The following TACR3 variants were observed in gnomAD, a reference collection of about 807,000 sequenced individuals.
TACR3 encodes the protein neuromedin-K receptor.
In TACR3, 34 loss-of-function variants were observed where a neutral mutation model predicts 35.0. The ratio of observed to expected loss-of-function variants is 0.97; its 90% CI spans 0.74 to 1.30. The LOEUF (loss-of-function observed/expected upper bound fraction) is 1.30. TACR3 is among the 50% of genes most tolerant of loss of function. TACR3 has a pLI of 0.00. For synonymous variants in TACR3, 233 were observed against 221.1 expected (o/e 1.05, Z -0.48); for missense variants, 558 against 591.7 (o/e 0.94, Z 0.59).
intron 1 of TACR3, among the ~76,000 whole-genome samples, chr4:103,709,833 C>CA (rs201449414): frequency 0.12 from 18,053 of 149,650 alleles, 1,391 homozygotes; most frequent in East Asian, 0.37. Flanking sequence ...AAATGGAAAA[C>CA]AAAAAAAAAT....
At chr4:103,616,784 CA>C (rs1724670643) in intron 3 of TACR3, among the ~76,000 whole-genome samples, 1 of 151,800 alleles carries the variant, frequency 6.6e-6, no homozygotes, top group African/African-American at 2.4e-5. Flanking sequence ...CTGTCTCTAC[CA>C]AAAAATACAA....
chr4:103,636,376 AGAAT>A (rs1475742057), intron 3 of TACR3, among the ~76,000 whole-genome samples: 1 of 151,880 alleles, frequency 6.6e-6, no homozygotes, highest in Non-Finnish European at 1.5e-5. Flanking sequence ...TTTTTTTCTG[AGAAT>A]TAATTTTTAA....
chr4:103,717,230 T>G (rs867664367), intron 1 of TACR3, among the ~76,000 whole-genome samples: 21 of 152,266 alleles, frequency 1.4e-4, no homozygotes, highest in Middle Eastern at 3.4e-3. Flanking sequence ...ATTTCTGTTT[T>G]TTTTTAATCA....
rs115777691 is a variant in TACR3, at chr4:103,648,587, G to A, written c.888+7607C>T. Among the ~76,000 whole-genome samples, 1,041 of 152,112 alleles carry A rather than the reference G, an allele frequency of 6.8e-3. 12 individuals are homozygous for A. The highest frequency in any genetic ancestry group is 9.4e-3 in the Non-Finnish European group (638 of 67,972). On this transcript the variant is annotated intron_variant, in intron 3 of 4. Transcript: ENST00000304883. ...ATTTCACTTAACATAATGACCTCTA[G>A]TTCCATCCATGTTGTTGCAAGTGAA...
At chr4:103,629,992 A>C (rs981326097) in intron 3 of TACR3, among the ~76,000 whole-genome samples, 4 of 152,168 alleles carry the variant, frequency 2.6e-5, no homozygotes, top group African/African-American at 9.7e-5. Flanking sequence ...CAAAACAGAG[A>C]TATAGACCAA....
chr4:103,598,591 A>T (rs1204743670), intron 3 of TACR3, among the ~76,000 whole-genome samples: 2 of 152,118 alleles, frequency 1.3e-5, no homozygotes, highest in Admixed American at 6.6e-5. Context: ...TTTTAGGTCT[A>T]ACATGTAAGT....
intron 3 of TACR3, among the ~76,000 whole-genome samples, chr4:103,602,477 C>A (rs1184195901): frequency 8.1e-6 from 1 of 123,748 alleles, no homozygotes; most frequent in African/African-American, 3.1e-5. Context: ...TTTAGAGTTT[C>A]CAGTTTTTCT....
At position 103,588,732 on chromosome 4, in the gene TACR3, A is replaced by G. The variant is rs1042183271; in HGVS notation, c.*950T>C. On this transcript the variant is annotated 3_prime_UTR_variant, in exon 5 of 5. Coordinates refer to ENST00000304883, the MANE Select transcript of TACR3 (RefSeq NM_001059.3). ...TTTCAACCATATAGTCTTTTGTCACACTTGTGACTTTTTTTCCCTAAGGAG... is the reference window on the plus strand; with the variant it reads ...TTTCAACCATATAGTCTTTTGTCACGCTTGTGACTTTTTTTCCCTAAGGAG... 1.3e-5 allele frequency: 2 copies of G among 152,046 alleles called. No homozygotes were observed. The highest frequency in any genetic ancestry group is 1.3e-4 in the Admixed American group (2 of 15,238). 9.4% of individuals were successfully genotyped at this position (152,046 alleles called of 1,614,324 possible). A position where few individuals can be genotyped will look rare whatever the true frequency, so the allele number is the denominator to read the frequency against.
intron 3 of TACR3, among the ~76,000 whole-genome samples, chr4:103,620,416 G>C (rs1369813005): frequency 6.6e-6 from 1 of 152,146 alleles, no homozygotes; most frequent in African/African-American, 2.4e-5. Context: ...GTACACCAAA[G>C]AAAATAAATC....
chr4:103,710,095 C>G (rs1349034630), intron 1 of TACR3, among the ~76,000 whole-genome samples: 1 of 152,128 alleles, frequency 6.6e-6, no homozygotes, highest in East Asian at 1.9e-4. Flanking sequence ...TTAGACAGAT[C>G]AACAAGACAG....
Position 103,646,364 on chromosome 4 carries a change from C to T in TACR3, c.888+9830G>A, listed in dbSNP as rs915405691. Among the ~76,000 whole-genome samples, 7 of 151,938 alleles carry T rather than the reference C, an allele frequency of 4.6e-5. No homozygotes were observed. The East Asian group carries it at 5.8e-4, about 13-fold the overall frequency. ...GGAATTTTTAATAAATAATCTTTGA[C>T]GAATGAAGGTGGATCTGATATAGTA... On this transcript the variant is annotated intron_variant, in intron 3 of 4. Transcript: ENST00000304883.
intron 3 of TACR3, among the ~76,000 whole-genome samples, chr4:103,618,802 A>G (rs568237785): frequency 6.6e-6 from 1 of 151,812 alleles, no homozygotes; most frequent in Non-Finnish European, 1.5e-5. Flanking sequence ...CCTTGTAAAG[A>G]TCTTCCACCT....
At chr4:103,594,715 A>C (rs548871958) in intron 3 of TACR3, among the ~76,000 whole-genome samples, 2 of 152,318 alleles carry the variant, frequency 1.3e-5, no homozygotes, top group East Asian at 1.9e-4. Flanking sequence ...TCAGAAAAAC[A>C]TGCAAAAATT....
intron 4 of TACR3, among the ~76,000 whole-genome samples, chr4:103,590,486 G>A (rs1211715665): frequency 2.0e-5 from 3 of 151,924 alleles, no homozygotes; most frequent in African/African-American, 7.3e-5. Flanking sequence ...AATTATATAT[G>A]AAAGTGCAAA....
chr4:103,663,836 C>T (rs1298380276), intron 1 of TACR3, among the ~76,000 whole-genome samples: 1 of 152,168 alleles, frequency 6.6e-6, no homozygotes, highest in Non-Finnish European at 1.5e-5. Context: ...TTCACCTGAA[C>T]AAACATTCTC....
At chr4:103,640,082 C>G (rs772036611) in intron 3 of TACR3, among the ~76,000 whole-genome samples, 3 of 151,836 alleles carry the variant, frequency 2.0e-5, no homozygotes, top group Admixed American at 6.6e-5. Flanking sequence ...CCTAGATTAA[C>G]CCTCATCAAA....
At chr4:103,650,235 G>A (rs1183685397) in intron 3 of TACR3, among the ~76,000 whole-genome samples, 1 of 151,672 alleles carries the variant, frequency 6.6e-6, no homozygotes, top group East Asian at 1.9e-4. Context: ...TGAGGTGGAT[G>A]GGGTGACACA....
intron 1 of TACR3, among the ~76,000 whole-genome samples, chr4:103,700,022 C>A (rs376245157): frequency 1.4e-4 from 21 of 152,228 alleles, no homozygotes; most frequent in African/African-American, 5.1e-4. Context: ...ACCTATACAA[C>A]ATCTAGTACT....
chr4:103,682,960 C>T (rs1316358944), intron 1 of TACR3, among the ~76,000 whole-genome samples: 1 of 152,072 alleles, frequency 6.6e-6, no homozygotes, highest in African/African-American at 2.4e-5. Flanking sequence ...AATTCAATCA[C>T]CGAAGTGACA....
Sources: gnomAD v4.1 joint callset for allele counts (sites outside exome capture counted in the v4.1 genomes callset) on GRCh38, gnomAD v4.1.1 for gene constraint, MANE v1.5 for transcripts, NCBI Gene and HGNC (gene_info 2026-07-23, HGNC 2026-07-21) for gene names.